Variants in STX8 observed in about 807,000 individuals in gnomAD.
STX8 encodes syntaxin 8.
In STX8, 23 loss-of-function variants were observed where a neutral mutation model predicts 37.5. The observed-to-expected ratio is 0.61, with a 90% CI of 0.44 to 0.87. The LOEUF is 0.87. Among genes scored for constraint, STX8 ranks in the 40% least tolerant of loss-of-function variants. The probability of loss-of-function intolerance (pLI) is 0.00; values close to 1 mark genes in which losing one functional copy is unlikely to be tolerated. For missense variants in STX8, 313 were observed against 284.7 expected (o/e 1.10, Z -0.71); for synonymous variants, 115 against 99.1 (o/e 1.16, Z -0.95).
At chr17:9,471,057 CAG>C (rs1179635023) in intron 6 of STX8, among the ~76,000 whole-genome samples, 14 of 26,172 alleles carry the variant, frequency 5.3e-4, no homozygotes, top group Non-Finnish European at 9.9e-4. Context: ...TTTTTTTTGA[CAG>C]AGTCTTACTC....
rs531585036 is a variant in STX8, at chr17:9,338,987, C to T, written c.643+39565G>A. Among the ~76,000 whole-genome samples, 15 of 149,068 alleles carry T rather than the reference C, an allele frequency of 1.0e-4. No individual in the cohort carries two copies. The South Asian group carries it at 2.6e-3, about 26-fold the overall frequency. ...TCCAGAGGCTGAGGCAGGAGAATGG[C>T]GTGAACCCGGGAAGCGGAGCTTGCA... On this transcript the variant is annotated intron_variant, in intron 7 of 7. Transcript: ENST00000306357.
At chr17:9,266,169 G>A (rs957338245) in intron 7 of STX8, among the ~76,000 whole-genome samples, 22 of 152,310 alleles carry the variant, frequency 1.4e-4, no homozygotes, top group African/African-American at 3.8e-4. Flanking sequence ...GAAGGGTGAC[G>A]TAATGACAAC....
intron 7 of STX8, among the ~76,000 whole-genome samples, chr17:9,314,385 T>A (rs1396689200): frequency 6.6e-6 from 1 of 152,076 alleles, no homozygotes; most frequent in Non-Finnish European, 1.5e-5. Flanking sequence ...ATATATATTT[T>A]ATATCTGTTT....
intron 7 of STX8, among the ~76,000 whole-genome samples, chr17:9,367,391 T>C (rs888553884): frequency 1.3e-5 from 2 of 152,102 alleles, no homozygotes; most frequent in Non-Finnish European, 2.9e-5. Context: ...CACAACCTTC[T>C]TGCCAAGGAC....
chr17:9,399,513 C>T (rs762458174), intron 6 of STX8, among the ~76,000 whole-genome samples: 26 of 152,094 alleles, frequency 1.7e-4, no homozygotes, highest in Non-Finnish European at 2.5e-4. Context: ...AAAAAGTGGG[C>T]GTCAGCTCAA....
intron 7 of STX8, among the ~76,000 whole-genome samples, chr17:9,372,231 T>A (rs1911427037): frequency 6.6e-6 from 1 of 152,118 alleles, no homozygotes; most frequent in South Asian, 2.1e-4. Flanking sequence ...CGTCTTTTTC[T>A]TCTCCTATTC....
At chr17:9,341,674 T>G (rs1309495486) in intron 7 of STX8, among the ~76,000 whole-genome samples, 1 of 152,082 alleles carries the variant, frequency 6.6e-6, no homozygotes, top group African/African-American at 2.4e-5. Flanking sequence ...TGACCTCAGG[T>G]AATCTGCCGG....
intron 7 of STX8, among the ~76,000 whole-genome samples, chr17:9,254,912 GAA>G (rs1906731506): frequency 1.3e-5 from 2 of 152,186 alleles, no homozygotes; most frequent in South Asian, 2.1e-4. Context: ...GAAGGGATAA[GAA>G]GAGTCAAGAG....
intron 7 of STX8, among the ~76,000 whole-genome samples, chr17:9,355,107 A>G (rs1029856157): frequency 6.6e-6 from 1 of 152,232 alleles, no homozygotes; most frequent in East Asian, 1.9e-4. Context: ...TTGTGATTTG[A>G]CATGGGTCTT....
At chr17:9,522,549 A>C (rs1354272223) in intron 4 of STX8, among the ~76,000 whole-genome samples, 25 of 151,322 alleles carry the variant, frequency 1.7e-4, no homozygotes, top group Admixed American at 1.2e-3. Context: ...TCCAAAAAAA[A>C]AAAAAAAAAA....
chr17:9,411,098 T>G (rs1051276221), intron 6 of STX8, among the ~76,000 whole-genome samples: 1 of 152,230 alleles, frequency 6.6e-6, no homozygotes, highest in South Asian at 2.1e-4. Context: ...CTTTATCATG[T>G]GGACAAGGAG....
intron 6 of STX8, among the ~76,000 whole-genome samples, chr17:9,397,265 G>A (rs540484985): frequency 2.5e-4 from 38 of 152,264 alleles, no homozygotes; most frequent in African/African-American, 4.3e-4. Context: ...GCGTGGTGGC[G>A]GGTGCCTGTA....
At chr17:9,375,943 A>G (rs1222336563) in intron 7 of STX8, among the ~76,000 whole-genome samples, 3 of 152,124 alleles carry the variant, frequency 2.0e-5, no homozygotes, top group East Asian at 3.9e-4. Context: ...CACTCTCATG[A>G]TATCTATGCT....
At chr17:9,299,648 T>A (rs1352085923) in intron 7 of STX8, among the ~76,000 whole-genome samples, 1 of 152,082 alleles carries the variant, frequency 6.6e-6, no homozygotes, top group Admixed American at 6.5e-5. Flanking sequence ...TTTCACCGTG[T>A]TAGCCAGGAT....
At chr17:9,368,741 T>TA (rs912190235) in intron 7 of STX8, among the ~76,000 whole-genome samples, 5 of 152,102 alleles carry the variant, frequency 3.3e-5, no homozygotes, top group East Asian at 3.9e-4. Context: ...GCTTTTCACT[T>TA]ACCAAACTCA....
intron 7 of STX8, among the ~76,000 whole-genome samples, chr17:9,343,781 C>T (rs527587500): frequency 2.0e-5 from 3 of 152,202 alleles, no homozygotes; most frequent in African/African-American, 7.2e-5. Flanking sequence ...CCCCATCTGC[C>T]GGATAGGGCC....
At chr17:9,284,852 C>A (rs888786903) in intron 7 of STX8, among the ~76,000 whole-genome samples, 4 of 152,092 alleles carry the variant, frequency 2.6e-5, no homozygotes, top group Non-Finnish European at 4.4e-5. Context: ...TTTCTAGGGG[C>A]CGAAACACGC....
chr17:9,363,895 TTCTATTA>T (rs1911142885), intron 7 of STX8, among the ~76,000 whole-genome samples: 1 of 152,216 alleles, frequency 6.6e-6, no homozygotes, highest in Non-Finnish European at 1.5e-5. Context: ...ATCAACCACC[TTCTATTA>T]TAAATAAAGG....
At chr17:9,285,265 G>A (rs1196338984) in intron 7 of STX8, among the ~76,000 whole-genome samples, 1 of 152,046 alleles carries the variant, frequency 6.6e-6, no homozygotes, top group Middle Eastern at 3.2e-3. Context: ...TCAGACTCAG[G>A]AATCTGCATT....
Sources: gnomAD v4.1 joint callset for allele counts (sites outside exome capture counted in the v4.1 genomes callset) on GRCh38, gnomAD v4.1.1 for gene constraint, MANE v1.5 for transcripts, NCBI Gene and HGNC (gene_info 2026-07-23, HGNC 2026-07-21) for gene names.